PLXDC2: variants seen among roughly 807,000 people sequenced by gnomAD.
PLXDC2 encodes plexin domain-containing protein 2.
A neutral mutation model predicts 68.9 loss-of-function variants in PLXDC2; 40 were observed. The ratio of observed to expected loss-of-function variants is 0.58; its 90% CI spans 0.45 to 0.76. PLXDC2 has a LOEUF of 0.76. PLXDC2 is among the 30% of genes least tolerant of loss of function. PLXDC2 has a pLI of 0.00. For missense variants in PLXDC2, 644 were observed against 661.9 expected (o/e 0.97, Z 0.30); for synonymous variants, 243 against 234.2 (o/e 1.04, Z -0.34).
At chr10:19,844,093 A>G (rs1361342533) in intron 1 of PLXDC2, among the ~76,000 whole-genome samples, 1 of 152,214 alleles carries the variant, frequency 6.6e-6, no homozygotes, top group Admixed American at 6.5e-5. Context: ...AAAAAATTAA[A>G]GAACAGATAA....
intron 2 of PLXDC2, among the ~76,000 whole-genome samples, chr10:20,008,822 A>G (rs1835066701): frequency 6.6e-6 from 1 of 152,130 alleles, no homozygotes; most frequent in African/African-American, 2.4e-5. Context: ...AAGTCTTTTG[A>G]GATCGGATGG....
At chr10:19,883,476 C>T (rs565871890) in intron 1 of PLXDC2, among the ~76,000 whole-genome samples, 1 of 152,128 alleles carries the variant, frequency 6.6e-6, no homozygotes, top group South Asian at 2.1e-4. Flanking sequence ...TCATCATTCT[C>T]TCTCTATTTT....
intron 2 of PLXDC2, among the ~76,000 whole-genome samples, chr10:20,031,482 T>C (rs1390259380): frequency 6.6e-6 from 1 of 152,240 alleles, no homozygotes; most frequent in Non-Finnish European, 1.5e-5. Flanking sequence ...TTTTTGATTC[T>C]TGAAATATCC....
At chr10:20,241,485 C>T (rs1835515431) in intron 12 of PLXDC2, among the ~76,000 whole-genome samples, 1 of 152,188 alleles carries the variant, frequency 6.6e-6, no homozygotes, top group South Asian at 2.1e-4. Context: ...TTCCTGCATA[C>T]ACAAAAGAAG....
intron 1 of PLXDC2, among the ~76,000 whole-genome samples, chr10:19,861,145 C>T (rs982764833): frequency 6.6e-6 from 1 of 151,922 alleles, no homozygotes; most frequent in African/African-American, 2.4e-5. Flanking sequence ...AGTGATTCTC[C>T]TGCCTCAGCC....
At chr10:19,833,157 C>T (rs1836726370) in intron 1 of PLXDC2, among the ~76,000 whole-genome samples, 1 of 152,152 alleles carries the variant, frequency 6.6e-6, no homozygotes, top group African/African-American at 2.4e-5. Flanking sequence ...GAAAACTTTA[C>T]TTAATCTCAT....
intron 4 of PLXDC2, among the ~76,000 whole-genome samples, chr10:20,068,817 T>C (rs1418204951): frequency 6.6e-6 from 1 of 151,938 alleles, no homozygotes; most frequent in Non-Finnish European, 1.5e-5. Flanking sequence ...CTCCACAAGC[T>C]TGGAGGTTAG....
At chr10:20,159,141 C>A (rs750654024) in intron 6 of PLXDC2, among the ~76,000 whole-genome samples, 2 of 152,110 alleles carry the variant, frequency 1.3e-5, no homozygotes, top group Non-Finnish European at 1.5e-5. Context: ...CCCTCTCCAG[C>A]GCTTCCTCTC....
Position 19,816,927 on chromosome 10 carries a change from T to A in PLXDC2, c.-153T>A. On this transcript the variant is annotated 5_prime_UTR_variant, in exon 1 of 14. Coordinates refer to ENST00000377252, the MANE Select transcript of PLXDC2 (RefSeq NM_032812.9). ...GCGTTCGCTTCTTCCTCTTCTCGGT[T>A]CCCTACTGTGAAATCGCAGCGACAT... The A allele has an allele frequency of 1.6e-6, 1 of 615,826 alleles. No homozygotes were observed. Among genetic ancestry groups the A allele is most frequent in the South Asian group, 2.0e-5 (1 of 51,256 alleles). The allele number at this position is 615,826 out of a possible 1,614,324, so 38.1% of individuals were successfully genotyped here.
At chr10:19,856,230 G>T (rs1215271706) in intron 1 of PLXDC2, among the ~76,000 whole-genome samples, 1 of 152,000 alleles carries the variant, frequency 6.6e-6, no homozygotes, top group Non-Finnish European at 1.5e-5. Flanking sequence ...ACTATTTATT[G>T]TTTACATATA....
At chr10:19,937,583 T>TATATATATATATATATATA (rs1833747488) in intron 1 of PLXDC2, among the ~76,000 whole-genome samples, 11 of 137,858 alleles carry the variant, frequency 8.0e-5, no homozygotes, top group Non-Finnish European at 1.2e-4. Context: ...TATATATATA[T>TATATATATATATATATATA]TTGCAACTTC....
intron 4 of PLXDC2, among the ~76,000 whole-genome samples, chr10:20,139,508 A>G (rs370998004): frequency 1.1e-4 from 16 of 152,250 alleles, no homozygotes; most frequent in East Asian, 5.8e-4. Flanking sequence ...GTTAAAACAT[A>G]TACCTGAAGG....
chr10:20,114,293 C>A (rs1833595311), intron 4 of PLXDC2, among the ~76,000 whole-genome samples: 1 of 152,208 alleles, frequency 6.6e-6, no homozygotes, highest in South Asian at 2.1e-4. Context: ...CCACATCATG[C>A]ACCGTTCTCT....
intron 13 of PLXDC2, among the ~76,000 whole-genome samples, chr10:20,264,962 G>T (rs916073772): frequency 6.6e-6 from 1 of 151,970 alleles, no homozygotes; most frequent in Non-Finnish European, 1.5e-5. Flanking sequence ...ATTCTAGTAA[G>T]GTCGCTGGAT....
intron 9 of PLXDC2, among the ~76,000 whole-genome samples, chr10:20,206,352 C>T (rs1449223778): frequency 6.6e-6 from 1 of 151,966 alleles, no homozygotes; most frequent in Admixed American, 6.6e-5. Context: ...GACATTTGCA[C>T]TTGGTGTTGG....
At position 20,032,221 on chromosome 10, in the gene PLXDC2, AG is replaced by A. The variant is rs1835511488; in HGVS notation, c.325-14645del. ...AACTTAGAACAATTAAAACAGACTA[AG>A]GGAGGATTATTTCAGAGGCATGAAA... On this transcript the variant is annotated intron_variant, in intron 2 of 13. Transcript: ENST00000377252. Among the ~76,000 whole-genome samples the A allele has an allele frequency of 3.3e-5, 5 of 152,320 alleles. No homozygotes were observed. The South Asian group carries it at 1.0e-3, about 32-fold the overall frequency.
chr10:19,911,481 A>G (rs1261950143), intron 1 of PLXDC2, among the ~76,000 whole-genome samples: 1 of 151,470 alleles, frequency 6.6e-6, no homozygotes, highest in East Asian at 1.9e-4. Flanking sequence ...TATACCTTAC[A>G]TTATATTTGC....
intron 7 of PLXDC2, among the ~76,000 whole-genome samples, chr10:20,170,387 A>G (rs201692392): frequency 2.6e-5 from 4 of 152,100 alleles, no homozygotes; most frequent in African/African-American, 9.7e-5. Flanking sequence ...ACGGGGTTTC[A>G]CTATGTTGGC....
intron 7 of PLXDC2, among the ~76,000 whole-genome samples, chr10:20,169,335 C>A (rs1421342110): frequency 6.6e-6 from 1 of 152,140 alleles, no homozygotes; most frequent in Admixed American, 6.6e-5. Flanking sequence ...TTTAACTCTG[C>A]AAATTTGGTA....
Sources: gnomAD v4.1 joint callset for allele counts (sites outside exome capture counted in the v4.1 genomes callset) on GRCh38, gnomAD v4.1.1 for gene constraint, MANE v1.5 for transcripts, NCBI Gene and HGNC (gene_info 2026-07-23, HGNC 2026-07-21) for gene names.